The following TC2N variants were observed in gnomAD, a reference collection of about 807,000 sequenced individuals.
The protein encoded by TC2N is tandem C2 domains, nuclear, also known as tandem C2 domains nuclear protein.
Under a neutral mutation model 61.9 loss-of-function variants are expected in TC2N, and 51 were observed. The observed-to-expected ratio is 0.82, with a 90% confidence interval of 0.66 to 1.04. TC2N has a LOEUF of 1.04. Among genes scored for constraint, TC2N ranks in the 50% least tolerant of loss-of-function variants. The pLI, the probability that TC2N is intolerant of heterozygous loss-of-function variation, is 0.00. For missense variants in TC2N, 556 were observed against 566.7 expected, an observed-to-expected ratio of 0.98 and a Z score of 0.19; for synonymous variants, 204 against 192.6, an observed-to-expected ratio of 1.06 and a Z score of -0.49.
chr14:91,863,415 G>A (rs548847074), intron 1 of TC2N, among the ~76,000 whole-genome samples: 1 of 152,318 alleles, frequency 6.6e-6, no homozygotes, highest in South Asian at 2.1e-4. Flanking sequence ...TGGCTTATAA[G>A]CAAGGGTTTC....
Position 91,781,370 on chromosome 14 carries a change from C to A in TC2N, c.*1730G>T, listed in dbSNP as rs1047783250. 6.6e-6 allele frequency: 1 copy of A among 151,948 alleles called. No individual in the cohort carries two copies. The highest frequency in any genetic ancestry group is 2.4e-5 in the African/African-American group (1 of 41,400). 9.4% of individuals were successfully genotyped at this position (151,948 alleles called of 1,614,324 possible). A position where few individuals can be genotyped will look rare whatever the true frequency, so the allele number is the denominator to read the frequency against. The stretch of plus-strand genomic sequence containing the variant: ...TAGCATGTATAACACCAAGAGGGGA[C>A]TCTAATGTAAACCATGAACTTTGGA... On this transcript the variant is annotated 3_prime_UTR_variant, in exon 12 of 12. Transcript: ENST00000435962.
rs1430131683 is a variant in TC2N, at chr14:91,780,526, G to C, written c.*2574C>G. The C allele has an allele frequency of 6.6e-6, 1 of 152,192 alleles. No homozygotes were observed. Among genetic ancestry groups the C allele is most frequent in the Non-Finnish European group, 1.5e-5 (1 of 68,022 alleles). 9.4% of individuals were successfully genotyped at this position (152,192 alleles called of 1,614,324 possible). A position where few individuals can be genotyped will look rare whatever the true frequency, so the allele number is the denominator to read the frequency against. On this transcript the variant is annotated 3_prime_UTR_variant, in exon 12 of 12. Coordinates refer to ENST00000435962, the MANE Select transcript of TC2N (RefSeq NM_001128596.3). ...TGCAAAACAAAAGCCAAATAGTGAT[G>C]TTATATTTTAACCCAGGCTGCAGCT...
chr14:91,800,085 T>C (rs1291778921), intron 5 of TC2N, among the ~76,000 whole-genome samples, 196 bp downstream of exon 5: 1 of 152,060 alleles, frequency 6.6e-6, no homozygotes, highest in Non-Finnish European at 1.5e-5. Context: ...AAAGAAAAAC[T>C]ACTGCCTTTT....
chr14:91,854,389 C>T (rs1446596327), intron 1 of TC2N, among the ~76,000 whole-genome samples: 1 of 117,838 alleles, frequency 8.5e-6, no homozygotes, highest in African/African-American at 3.3e-5. Context: ...AAGCTCTACA[C>T]ATAAGATGAG....
chr14:91,815,013 G>A (rs1886946986), intron 1 of TC2N, among the ~76,000 whole-genome samples: 1 of 151,520 alleles, frequency 6.6e-6, no homozygotes. Flanking sequence ...AAAAAGTAAA[G>A]AGTGGTAAAG....
Position 91,852,943 on chromosome 14 carries a change from T to C in TC2N, c.-57+14319A>G, listed in dbSNP as rs554398828. On this transcript the variant is annotated intron_variant, in intron 1 of 11. Coordinates refer to ENST00000435962, the MANE Select transcript of TC2N (RefSeq NM_001128596.3). ...AAAATTAGCCAGGCGTGGTGGTGGGTGCCTGTAATCCCAGCTACTCGGGAG... is the reference window on the plus strand; with the variant it reads ...AAAATTAGCCAGGCGTGGTGGTGGGCGCCTGTAATCCCAGCTACTCGGGAG... Among the ~76,000 whole-genome samples the C allele has an allele frequency of 7.2e-5, 11 of 152,122 alleles. No individual in the cohort carries two copies. In the South Asian group the frequency reaches 2.1e-3, roughly 29 times the overall value.
intron 8 of TC2N, among the ~76,000 whole-genome samples, chr14:91,794,728 A>G (rs1410837509): frequency 6.6e-6 from 1 of 152,164 alleles, no homozygotes; most frequent in Admixed American, 6.5e-5. Flanking sequence ...GAGCCCTGAC[A>G]GAGATGTATA....
At chr14:91,791,592 A>AG (rs1471401184) in intron 9 of TC2N, among the ~76,000 whole-genome samples, 3 of 151,708 alleles carry the variant, frequency 2.0e-5, no homozygotes, top group African/African-American at 7.3e-5. Context: ...TTTTTACAGA[A>AG]AAAAAAAATC....
At chr14:91,840,041 T>C (rs1170301418) in intron 1 of TC2N, among the ~76,000 whole-genome samples, 1 of 152,184 alleles carries the variant, frequency 6.6e-6, no homozygotes, top group African/African-American at 2.4e-5. Flanking sequence ...CAGGTGAGCC[T>C]TCACCCCACT....
chr14:91,865,088 C>T (rs1324964837), intron 1 of TC2N, among the ~76,000 whole-genome samples: 1 of 152,136 alleles, frequency 6.6e-6, no homozygotes, highest in African/African-American at 2.4e-5. Flanking sequence ...TTCATCTTTA[C>T]ATTATTGCTC....
At chr14:91,795,619 T>A (rs1459676378) in intron 8 of TC2N, among the ~76,000 whole-genome samples, 1 of 152,192 alleles carries the variant, frequency 6.6e-6, no homozygotes, top group Non-Finnish European at 1.5e-5. Context: ...TTACTTTTTT[T>A]AGACATAATG....
At chr14:91,803,522 G>A (rs1293871113) in intron 3 of TC2N, among the ~76,000 whole-genome samples, 6 of 151,446 alleles carry the variant, frequency 4.0e-5, no homozygotes, top group African/African-American at 7.3e-5. Flanking sequence ...GCATGATCTC[G>A]GCTCACTGAA....
chr14:91,798,660 T>A (rs961810128), intron 6 of TC2N, among the ~76,000 whole-genome samples: 46 of 151,972 alleles, frequency 3.0e-4, no homozygotes, highest in African/African-American at 1.1e-3. Context: ...CTAAGAGAAA[T>A]CTTTCCAAAT....
chr14:91,813,204 G>C (rs1284166877), intron 2 of TC2N, among the ~76,000 whole-genome samples: 3 of 151,594 alleles, frequency 2.0e-5, no homozygotes, highest in African/African-American at 7.3e-5. Flanking sequence ...ACTCTCCAGG[G>C]GTCCTTAATA....
At chr14:91,792,308 C>T in intron 9 of TC2N, 59 bp downstream of exon 9, 1 of 1,145,398 alleles carries the variant, frequency 8.7e-7, no homozygotes, top group Non-Finnish European at 1.2e-6. Flanking sequence ...CAAACAAAAG[C>T]CCATCCACCA....
chr14:91,793,277 G>A (rs1885745072), intron 8 of TC2N, among the ~76,000 whole-genome samples: 1 of 152,104 alleles, frequency 6.6e-6, no homozygotes, highest in Non-Finnish European at 1.5e-5. Context: ...ACACTAGACG[G>A]TTCTTTGCCA....
chr14:91,862,814 T>C (rs566572030), intron 1 of TC2N, among the ~76,000 whole-genome samples: 1 of 152,348 alleles, frequency 6.6e-6, no homozygotes, highest in African/African-American at 2.4e-5. Flanking sequence ...TGAAAAATGA[T>C]GTCCCGGATT....
chr14:91,863,989 CA>C (rs201119608), intron 1 of TC2N, among the ~76,000 whole-genome samples: 1 of 148,732 alleles, frequency 6.7e-6, no homozygotes, highest in African/African-American at 2.5e-5. Context: ...CAGACCCTGG[CA>C]AAAAAAAAGA....
chr14:91,792,213 A>G lies in TC2N; in HGVS notation c.1047+154T>C, dbSNP rs902310375. ...AAACAGTTCTGTTAACATTTTATCAATAATTTCTAAATATTTGAAAATAAT... is the reference window on the plus strand; with the variant it reads ...AAACAGTTCTGTTAACATTTTATCAGTAATTTCTAAATATTTGAAAATAAT... On this transcript the variant is annotated intron_variant, in intron 9 of 11. Transcript: ENST00000435962. 1.8e-3 allele frequency among the ~76,000 whole-genome samples: 10 copies of G among 5,658 alleles called. No individual in the cohort carries two copies. The Non-Finnish European group carries it at 0.12, about 67-fold the overall frequency. 3.7% of individuals were successfully genotyped at this position (5,658 alleles called of 152,430 possible).
Sources: gnomAD v4.1 joint callset for allele counts (sites outside exome capture counted in the v4.1 genomes callset) on GRCh38, gnomAD v4.1.1 for gene constraint, MANE v1.5 for transcripts, NCBI Gene and HGNC (gene_info 2026-07-23, HGNC 2026-07-21) for gene names.